DTHD1: variants seen among roughly 807,000 people sequenced by gnomAD.
The protein encoded by DTHD1 is death domain-containing protein 1.
DTHD1 carries 59 observed loss-of-function variants against 74.8 expected under a neutral mutation model. The ratio of observed to expected loss-of-function variants is 0.79; its 90% CI spans 0.64 to 0.98. The LOEUF (loss-of-function observed/expected upper bound fraction) is 0.98, where lower values mean the gene tolerates loss of function less well. DTHD1 is among the 50% of genes least tolerant of loss of function. The probability of loss-of-function intolerance (pLI) is 0.00; values close to 1 mark genes in which losing one functional copy is unlikely to be tolerated. For missense variants in DTHD1, 1,051 were observed against 1,065.4 expected, an observed-to-expected ratio of 0.99 and a Z score of 0.19; for synonymous variants, 365 against 371.1, an observed-to-expected ratio of 0.98 and a Z score of 0.19.
intron 2 of DTHD1, among the ~76,000 whole-genome samples, chr4:36,289,205 C>T (rs1264111808): frequency 6.6e-6 from 1 of 152,062 alleles, no homozygotes; most frequent in East Asian, 1.9e-4. Flanking sequence ...AATCATTTCA[C>T]TGGTATAAAT....
chr4:36,340,159 A>G (rs1759237255), intron 9 of DTHD1, among the ~76,000 whole-genome samples: 1 of 152,242 alleles, frequency 6.6e-6, no homozygotes. Flanking sequence ...CAATGCCATC[A>G]GAACTGCTGT....
chr4:36,297,860 T>A (rs951476477), intron 5 of DTHD1, among the ~76,000 whole-genome samples: 1 of 152,104 alleles, frequency 6.6e-6, no homozygotes, highest in Admixed American at 6.6e-5. Context: ...GCTTTTTAGA[T>A]CCTTGAGTCC....
In DTHD1 at chr4:36,343,573, T is replaced by C; in HGVS notation, c.2470T>C (p.Ser824Pro). ...AGAAGAAAATGCTGAGTCTCTTTCC[T>C]CAACTCTCCCTCTGCGCCGTAGCAC... ...LSEENAESLSSTLPLRRSTIQ... is the reference protein window; with the variant it reads ...LSEENAESLSPTLPLRRSTIQ... The change falls in exon 10 of 10, where the codon TCA becomes CCA. Residue 824 changes from serine to proline, a missense_variant. Physicochemically the swap from Ser to Pro is moderately conservative, Grantham distance 74 (BLOSUM62 -1). Coordinates refer to ENST00000639862, the MANE Select transcript of DTHD1 (RefSeq NM_001170700.3). 1 of 1,551,628 alleles carries C rather than the reference T, an allele frequency of 6.4e-7. No homozygotes were observed. The highest frequency in any genetic ancestry group is 1.2e-5 in the South Asian group (1 of 84,060).
chr4:36,313,016 A>T (rs1377844489), intron 7 of DTHD1, among the ~76,000 whole-genome samples: 1 of 152,202 alleles, frequency 6.6e-6, no homozygotes, highest in East Asian at 1.9e-4. Context: ...ATATAGAAAT[A>T]CACTGAGCCA....
chr4:36,282,108 AC>A, intron 1 of DTHD1, 79 bp downstream of exon 1: 1 of 1,206,704 alleles, frequency 8.3e-7, no homozygotes, highest in Non-Finnish European at 1.1e-6. Context: ...CTATGAGTAT[AC>A]CAGATAGGCT....
chr4:36,326,761 C>A (rs1758370899), intron 8 of DTHD1, among the ~76,000 whole-genome samples: 1 of 152,196 alleles, frequency 6.6e-6, no homozygotes, highest in Admixed American at 6.5e-5. Context: ...TCCCATCTAG[C>A]AGTTGCATTT....
chr4:36,297,856 T>C (rs1025652758), intron 5 of DTHD1, among the ~76,000 whole-genome samples: 7 of 152,146 alleles, frequency 4.6e-5, no homozygotes, highest in Non-Finnish European at 1.0e-4. Context: ...TCTTGCTTTT[T>C]AGATCCTTGA....
Position 36,345,622 on chromosome 4 carries a change from AT to A in DTHD1, c.*1804del, listed in dbSNP as rs1385650470. On this transcript the variant is annotated 3_prime_UTR_variant, in exon 10 of 10. Transcript: ENST00000639862. Reference sequence around the variant, plus strand: ...ATAAAGGAATATTTTATTAGTCAAGATTTTTTACATGCTGCCAAAAAGGTAC... The same window carrying A: ...ATAAAGGAATATTTTATTAGTCAAGATTTTTACATGCTGCCAAAAAGGTAC... The A allele has an allele frequency of 6.6e-6, 1 of 152,126 alleles. No homozygotes were observed. Among genetic ancestry groups the A allele is most frequent in the African/African-American group, 2.4e-5 (1 of 41,408 alleles). The allele number at this position is 152,126 out of a possible 1,614,324, so 9.4% of individuals were successfully genotyped here.
At chr4:36,332,669 T>C (rs1033074996) in intron 8 of DTHD1, 1 of 152,234 alleles carries the variant, frequency 6.6e-6, no homozygotes, top group Non-Finnish European at 1.5e-5. Flanking sequence ...GGCTGAAGCA[T>C]TGAGCTTCTT....
At chr4:36,335,841 T>C (rs7699917) in intron 8 of DTHD1, among the ~76,000 whole-genome samples, 14,247 of 152,214 alleles carry the variant, frequency 0.094, 1,390 homozygotes, top group African/African-American at 0.25. Flanking sequence ...CTTTAAGAAT[T>C]CAATACAGGG....
intron 1 of DTHD1, 74 bp downstream of exon 1, chr4:36,282,103 A>G (rs1755435957): frequency 8.0e-7 from 1 of 1,248,098 alleles, no homozygotes; most frequent in African/African-American, 1.5e-5. Flanking sequence ...AGGGGCTATG[A>G]GTATACCAGA....
intron 8 of DTHD1, among the ~76,000 whole-genome samples, chr4:36,321,396 AT>A (rs1292772663): frequency 6.6e-6 from 1 of 152,172 alleles, no homozygotes. Context: ...CAGTGGCGGC[AT>A]TTGATCCTTG....
At chr4:36,342,918 C>CAAAAA (rs55956868) in intron 9 of DTHD1, among the ~76,000 whole-genome samples, 2,027 of 96,864 alleles carry the variant, frequency 0.021, 96 homozygotes, top group East Asian at 0.18. Context: ...ACTAAAAATA[C>CAAAAA]AAAAAAAAAA....
At chr4:36,310,273 A>G (rs952308957) in intron 7 of DTHD1, among the ~76,000 whole-genome samples, 3 of 152,226 alleles carry the variant, frequency 2.0e-5, no homozygotes, top group Non-Finnish European at 4.4e-5. Flanking sequence ...GTGAAGGAAT[A>G]GATGAGACTA....
At position 36,339,878 on chromosome 4, in the gene DTHD1, T is replaced by A. The variant is rs142498887; in HGVS notation, c.2398+709T>A. 1.2e-3 allele frequency among the ~76,000 whole-genome samples: 190 copies of A among 152,328 alleles called. 3 individuals carry two copies. The East Asian group carries it at 0.032, about 25-fold the overall frequency. On this transcript the variant is annotated intron_variant, in intron 9 of 9. Transcript: ENST00000639862. ...GGAATAGGATAGAATAAACACCATA[T>A]TATAAACCCTTTCAGGGATAAATAA...
At position 36,284,490 on chromosome 4, in the gene DTHD1, C is replaced by T; in HGVS notation, c.786C>T (p.Thr262=). The T allele has an allele frequency of 6.5e-7, 1 of 1,536,846 alleles. No homozygotes were observed. Among genetic ancestry groups the T allele is most frequent in the Non-Finnish European group, 8.7e-7 (1 of 1,146,718 alleles). The change falls in exon 2 of 10, where the codon ACC becomes ACT. Residue 262 remains threonine, a synonymous_variant. Transcript: ENST00000639862. ...ETSESPREEM[T]TSSIICDISK... is the part of the protein sequence containing the mutation. Reference sequence around the variant, plus strand: ...CAGAAAGCCCAAGAGAAGAGATGACCACATCCTCAATAATATGTGATATCT... The same window carrying T: ...CAGAAAGCCCAAGAGAAGAGATGACTACATCCTCAATAATATGTGATATCT...
chr4:36,343,744 C>G lies in DTHD1; in HGVS notation c.2641C>G (p.Leu881Val). 1 of 1,551,510 alleles carries G rather than the reference C, an allele frequency of 6.4e-7. No homozygotes were observed. The highest frequency in any genetic ancestry group is 8.7e-7 in the Non-Finnish European group (1 of 1,146,894). The change falls in exon 10 of 10, where the codon CTT becomes GTT. Residue 881 changes from leucine (L) to valine (V), a missense_variant. Physicochemically the swap from Leu to Val is conservative, Grantham distance 32 (BLOSUM62 1). Transcript: ENST00000639862. ...RHLRKIGRSD[L>V]AEELKFKWEN... ...TCTCCGCAAGATTGGCAGGAGTGATCTTGCAGAAGAGCTCAAATTCAAGTG... is the reference window on the plus strand; with the variant it reads ...TCTCCGCAAGATTGGCAGGAGTGATGTTGCAGAAGAGCTCAAATTCAAGTG...
chr4:36,322,748 A>T (rs1204136537), intron 8 of DTHD1, among the ~76,000 whole-genome samples: 1 of 152,250 alleles, frequency 6.6e-6, no homozygotes, highest in Non-Finnish European at 1.5e-5. Flanking sequence ...GGCTGAAAAG[A>T]ATAATGATTC....
At chr4:36,327,837 C>G (rs1758441398) in intron 8 of DTHD1, among the ~76,000 whole-genome samples, 1 of 152,212 alleles carries the variant, frequency 6.6e-6, no homozygotes, top group East Asian at 1.9e-4. Context: ...TGTACACATT[C>G]CTGGATGCCC....
Sources: allele counts gnomAD v4.1 joint callset (sites outside exome capture counted in the v4.1 genomes callset), GRCh38; gene constraint gnomAD v4.1.1; transcripts MANE v1.5; gene names NCBI Gene and HGNC (gene_info 2026-07-23, HGNC 2026-07-21).